COL5A2: variants seen among roughly 807,000 people sequenced by gnomAD.
COL5A2 encodes collagen alpha-2(V) chain.
COL5A2 carries 23 observed loss-of-function variants against 208.2 expected under a neutral mutation model. The observed-to-expected ratio is 0.11, with a 90% CI of 0.08 to 0.16. The LOEUF (loss-of-function observed/expected upper bound fraction) is 0.16. COL5A2 is among the 10% of genes least tolerant of loss of function. The pLI, the probability that COL5A2 is intolerant of heterozygous loss-of-function variation, is 1.00. For missense variants in COL5A2, 1,590 were observed against 1,956.4 expected, an observed-to-expected ratio of 0.81 and a Z score of 3.53; for synonymous variants, 625 against 628.5, an observed-to-expected ratio of 0.99 and a Z score of 0.08.
chr2:189,043,445 G>T (rs184806671), intron 47 of COL5A2, among the ~76,000 whole-genome samples, 187 bp from the exon 48 acceptor site: 1 of 151,896 alleles, frequency 6.6e-6, no homozygotes, highest in Non-Finnish European at 1.5e-5. Flanking sequence ...TTTTCCCAAA[G>T]AATGGTAGGT....
At chr2:189,380,103 G>A in the COL5A2 span, among the ~76,000 whole-genome samples, 1 of 151,850 alleles carries the variant, frequency 6.6e-6, no homozygotes, top group Admixed American at 6.6e-5. Context: ...TTATTGTAGT[G>A]AATTTTGCTT....
chr2:189,401,825 T>C, the COL5A2 span, among the ~76,000 whole-genome samples: 1 of 152,212 alleles, frequency 6.6e-6, no homozygotes, highest in African/African-American at 2.4e-5. Context: ...TGATCAGTGA[T>C]GTTGAGCTTT....
At chr2:189,349,260 C>G in the COL5A2 span, among the ~76,000 whole-genome samples, 1 of 152,052 alleles carries the variant, frequency 6.6e-6, no homozygotes, top group Non-Finnish European at 1.5e-5. Flanking sequence ...GGAGGAGTCT[C>G]AGGGCAAACA....
At chr2:189,141,022 T>C (rs2105771642) in intron 1 of COL5A2, among the ~76,000 whole-genome samples, 2 of 152,348 alleles carry the variant, frequency 1.3e-5, no homozygotes, top group South Asian at 4.1e-4. Flanking sequence ...AAAATCAGCA[T>C]TCTTTTATTA....
At chr2:189,235,601 A>G in the COL5A2 span, among the ~76,000 whole-genome samples, 1 of 151,816 alleles carries the variant, frequency 6.6e-6, no homozygotes, top group Admixed American at 6.6e-5. Context: ...TTTAGTCAGC[A>G]TTATATCTCA....
chr2:189,181,889 T>C (rs1333485810), upstream of COL5A2, among the ~76,000 whole-genome samples: 2 of 152,196 alleles, frequency 1.3e-5, no homozygotes, highest in African/African-American at 4.8e-5. Context: ...CCAGTTTCAA[T>C]CTCCTCTTCC....
chr2:189,247,781 A>G, the COL5A2 span, among the ~76,000 whole-genome samples: 1 of 151,886 alleles, frequency 6.6e-6, no homozygotes, highest in African/African-American at 2.4e-5. Context: ...GGTTTCACCA[A>G]GTTGGTCAGG....
the COL5A2 span, among the ~76,000 whole-genome samples, chr2:189,282,031 A>G: frequency 6.6e-6 from 1 of 152,092 alleles, no homozygotes; most frequent in East Asian, 1.9e-4. Context: ...CAAAAAATAC[A>G]AAAATTAGCC....
the COL5A2 span, among the ~76,000 whole-genome samples, chr2:189,387,651 C>T: frequency 1.3e-5 from 2 of 152,152 alleles, no homozygotes; most frequent in South Asian, 4.1e-4. Context: ...ACTTCTGGGA[C>T]TCTAGCCTAT....
At chr2:189,056,720 G>A in intron 35 of COL5A2, 1 of 548,206 alleles carries the variant, frequency 1.8e-6, no homozygotes, top group East Asian at 3.1e-5. Flanking sequence ...GAAAGATAAA[G>A]AGGGCCCCCA....
chr2:189,105,116 G>A (rs554342773), intron 2 of COL5A2, among the ~76,000 whole-genome samples: 2 of 151,732 alleles, frequency 1.3e-5, no homozygotes, highest in South Asian at 4.1e-4. Context: ...GATGTAATTT[G>A]GGGTTTTCCT....
chr2:189,329,221 C>A, the COL5A2 span, among the ~76,000 whole-genome samples: 1 of 152,092 alleles, frequency 6.6e-6, no homozygotes, highest in Admixed American at 6.6e-5. Context: ...ATAAGCCAGG[C>A]AGAGAAAGAC....
At chr2:189,383,894 C>CT in the COL5A2 span, among the ~76,000 whole-genome samples, 1 of 152,078 alleles carries the variant, frequency 6.6e-6, no homozygotes, top group Non-Finnish European at 1.5e-5. Context: ...ACTAAACACT[C>CT]TTTATCCAAC....
At chr2:189,069,284 C>T (rs906980994) in intron 18 of COL5A2, among the ~76,000 whole-genome samples, 1 of 152,152 alleles carries the variant, frequency 6.6e-6, no homozygotes, top group African/African-American at 2.4e-5. Flanking sequence ...CAGCCCTACA[C>T]CTCAGGCACA....
Position 189,092,418 on chromosome 2 carries a change from G to T in COL5A2, c.459C>A (p.Gly153=). The stretch of plus-strand genomic sequence containing the variant: ...CATCAATTCCCTGAGGTCCACGAGG[G>T]CCCTGGAAAACAAGCCAGTTAAAAT... ...RGERGPKGRP[G]PRGPQGIDGE... is the part of the protein sequence containing the mutation. The change falls in exon 7 of 54, where the codon GGC becomes GGA. Residue 153 remains glycine (G), a splice_region_variant and synonymous_variant. Transcript: ENST00000374866. 1 of 1,586,092 alleles carries T rather than the reference G, an allele frequency of 6.3e-7. No individual in the cohort carries two copies. Among genetic ancestry groups the T allele is most frequent in the Non-Finnish European group, 8.6e-7 (1 of 1,163,506 alleles).
chr2:189,055,173 G>C (rs994523207), intron 35 of COL5A2, among the ~76,000 whole-genome samples: 3 of 152,078 alleles, frequency 2.0e-5, no homozygotes, highest in Non-Finnish European at 1.5e-5. Context: ...GTGAGCCATC[G>C]CGCCCAGCCA....
At chr2:189,209,747 T>A (rs980651946) in intron 1 of COL5A2, among the ~76,000 whole-genome samples, 4 of 152,208 alleles carry the variant, frequency 2.6e-5, no homozygotes, top group African/African-American at 9.6e-5. Flanking sequence ...GCTGAGTAGA[T>A]GATGAAGCTT....
the COL5A2 span, among the ~76,000 whole-genome samples, chr2:189,286,574 G>A: frequency 2.0e-5 from 3 of 152,062 alleles, no homozygotes; most frequent in African/African-American, 7.2e-5. Context: ...AGACAGAAAA[G>A]GCCTATCTTA....
intron 1 of COL5A2, among the ~76,000 whole-genome samples, chr2:189,205,689 T>G (rs1164736952): frequency 6.6e-6 from 1 of 152,228 alleles, no homozygotes; most frequent in Non-Finnish European, 1.5e-5. Flanking sequence ...ACCTGGCCCA[T>G]AGTAAATGTC....
Sources: gnomAD v4.1 joint callset for allele counts (sites outside exome capture counted in the v4.1 genomes callset) on GRCh38, gnomAD v4.1.1 for gene constraint, MANE v1.5 for transcripts, NCBI Gene and HGNC (gene_info 2026-07-23, HGNC 2026-07-21) for gene names.